Variants in ZSCAN22 observed in about 807,000 individuals in gnomAD.
The protein encoded by ZSCAN22 is zinc finger and SCAN domain-containing protein 22.
In ZSCAN22, 7 loss-of-function variants were observed where a neutral mutation model predicts 12.4. That is an observed-to-expected ratio of 0.57 (90% CI 0.32 to 1.06). The LOEUF (loss-of-function observed/expected upper bound fraction) is 1.06. ZSCAN22 is among the 50% of genes least tolerant of loss of function. The pLI is 0.04. For missense variants in ZSCAN22, 576 were observed against 631.7 expected, an observed-to-expected ratio of 0.91 and a Z score of 0.94; for synonymous variants, 243 against 255.9, an observed-to-expected ratio of 0.95 and a Z score of 0.48.
At chr19:58,337,376 G>A (rs568317011) in intron 2 of ZSCAN22, among the ~76,000 whole-genome samples, 27 of 151,716 alleles carry the variant, frequency 1.8e-4, no homozygotes, top group Non-Finnish European at 2.1e-4. Flanking sequence ...GACGCAAGGC[G>A]TTGAGTGTGA....
intron 1 of ZSCAN22, among the ~76,000 whole-genome samples, chr19:58,330,162 T>C (rs999123650): frequency 1.3e-5 from 2 of 151,634 alleles, no homozygotes. Flanking sequence ...TGGTGGTGGG[T>C]GCCTGTAGTC....
At chr19:58,336,779 C>T (rs553437630) in intron 2 of ZSCAN22, among the ~76,000 whole-genome samples, 1 of 152,324 alleles carries the variant, frequency 6.6e-6, no homozygotes, top group East Asian at 1.9e-4. Flanking sequence ...GCTTGGGGCC[C>T]AGCACGACAA....
chr19:58,339,270 A>T lies in ZSCAN22; in HGVS notation c.1420A>T (p.Ser474Cys). 1 of 1,614,196 alleles carries T rather than the reference A, an allele frequency of 6.2e-7. No individual in the cohort carries two copies. The highest frequency in any genetic ancestry group is 8.5e-7 in the Non-Finnish European group (1 of 1,180,004). Residue 474 changes from serine to cysteine, a missense_variant, in exon 3 of 3, where the codon AGT (serine) becomes TGT (cysteine). Ser to Cys is a moderately radical substitution (Grantham distance 112). Transcript: ENST00000329665. This position sits in a 1 kb window ranked among gnomAD's most constrained non-coding sequence, Gnocchi z 5.6. ...GTGCAGCGACTGTGGGAAGGCCTTC[A>T]GTCGTAGCTCAGCCCTGATGGTTCA... ...YKCSDCGKAF[S>C]RSSALMVHLR...
At position 58,339,560 on chromosome 19, in the gene ZSCAN22, G is replaced by C; in HGVS notation, c.*234G>C. On this transcript the variant is annotated 3_prime_UTR_variant, in exon 3 of 3. Coordinates refer to ENST00000329665, the MANE Select transcript of ZSCAN22 (RefSeq NM_181846.3). This position sits in a 1 kb window ranked among gnomAD's most constrained non-coding sequence, Gnocchi z 5.6. ...GAAGCTTCCAGAAGGGCCCTGCACT[G>C]CTACCCTCTATTTCCCACTCAGGGC... 2.0e-6 allele frequency: 1 copy of C among 504,704 alleles called. No individual in the cohort carries two copies. The allele number at this position is 504,704 out of a possible 1,614,324, so 31.3% of individuals were successfully genotyped here.
At chr19:58,330,358 G>A (rs920427363) in intron 1 of ZSCAN22, among the ~76,000 whole-genome samples, 2 of 152,208 alleles carry the variant, frequency 1.3e-5, no homozygotes, top group African/African-American at 4.8e-5. Context: ...CCCCCATCTA[G>A]AAATGGGGCT....
In ZSCAN22 at chr19:58,335,039, G is replaced by T. The variant is rs371298507; in HGVS notation, c.237G>T (p.Gln79His). The change falls in exon 2 of 3, where the codon CAG becomes CAT. Residue 79 changes from glutamine (Q) to histidine (H), a missense_variant. Physicochemically the swap from Gln to His is conservative, Grantham distance 24. Coordinates refer to ENST00000329665, the MANE Select transcript of ZSCAN22 (RefSeq NM_181846.3). This position sits in a 1 kb window ranked among gnomAD's most constrained non-coding sequence, Gnocchi z 4.1. ...HLRALCCQWL[Q>H]PEAHSKEQIL... ...GAGCGCTGTGCTGTCAGTGGCTGCA[G>T]CCCGAGGCGCACTCCAAGGAGCAGA... 3.7e-6 allele frequency: 6 copies of T among 1,614,068 alleles called. No individual in the cohort carries two copies. The Admixed American group carries it at 6.7e-5, about 18-fold the overall frequency.
Position 58,335,468 on chromosome 19 carries a change from T to C in ZSCAN22, c.403+263T>C, listed in dbSNP as rs2051785924. Among the ~76,000 whole-genome samples the C allele has an allele frequency of 6.6e-6, 1 of 152,212 alleles. No homozygotes were observed. Among genetic ancestry groups the C allele is most frequent in the African/African-American group, 2.4e-5 (1 of 41,454 alleles). On this transcript the variant is annotated intron_variant, in intron 2 of 2. Transcript: ENST00000329665. The surrounding 1 kb of genome is among the most constrained non-coding windows in gnomAD (Gnocchi z 4.1). Reference sequence around the variant, plus strand: ...AGATCTGTTGACAGCATCAGAACTCTCTTCTTCCTCTCTTGTTCTGTTTCT... The same window carrying C: ...AGATCTGTTGACAGCATCAGAACTCCCTTCTTCCTCTCTTGTTCTGTTTCT...
Position 58,338,485 on chromosome 19 carries a change from A to T in ZSCAN22, c.635A>T (p.Lys212Met), listed in dbSNP as rs760076612. The T allele has an allele frequency of 6.2e-7, 1 of 1,614,182 alleles. No individual in the cohort carries two copies. The highest frequency in any genetic ancestry group is 1.3e-5 in the African/African-American group (1 of 75,048). The change falls in exon 3 of 3, where the codon AAG (lysine) becomes ATG (methionine). Residue 212 changes from lysine (K) to methionine (M), a missense_variant. Lys to Met is a moderately conservative substitution (Grantham distance 95). Transcript: ENST00000329665. The surrounding 1 kb of genome is among the most constrained non-coding windows in gnomAD (Gnocchi z 5.4). ...TTCAAGAAAACTTCAGGGCCTTACA[A>T]GGATGTCCCCACAGACCAGCGTGGC... is the stretch of plus-strand genomic sequence containing the variant. ...IHFKKTSGPY[K>M]DVPTDQRGRE...
Position 58,338,333 on chromosome 19 carries a change from T to G in ZSCAN22, c.483T>G (p.Thr161=), listed in dbSNP as rs765107426. 7.4e-6 allele frequency: 12 copies of G among 1,613,934 alleles called. No homozygotes were observed. Among genetic ancestry groups the G allele is most frequent in the Non-Finnish European group, 1.0e-5 (12 of 1,179,962 alleles). ...GAGAGTCAGAGCCATCAAATGTCAC[T>G]GAGACCCTCATGGGAGGTGTTTCCC... ...DLGESEPSNV[T]ETLMGGVSLG... Residue 161 remains threonine, a synonymous_variant, in exon 3 of 3, where the codon ACT becomes ACG. Transcript: ENST00000329665. The surrounding 1 kb of genome is among the most constrained non-coding windows in gnomAD (Gnocchi z 5.4).
chr19:58,338,895 G>A lies in ZSCAN22; in HGVS notation c.1045G>A (p.Glu349Lys). ...TCAGCACCAAAGGATTCATACTGGA[G>A]AGAAACCCTACAAATGTGGGGAATG... ...LTQHQRIHTG[E>K]KPYKCGECGK... Residue 349 changes from glutamate (E) to lysine (K), a missense_variant, in exon 3 of 3, where the codon GAG becomes AAG. Physicochemically the swap from Glu to Lys is moderately conservative, Grantham distance 56 (BLOSUM62 1). Coordinates refer to ENST00000329665, the MANE Select transcript of ZSCAN22 (RefSeq NM_181846.3). This position sits in a 1 kb window ranked among gnomAD's most constrained non-coding sequence, Gnocchi z 5.4. The A allele has an allele frequency of 1.2e-6, 2 of 1,614,074 alleles. No individual in the cohort carries two copies. Among genetic ancestry groups the A allele is most frequent in the Non-Finnish European group, 1.7e-6 (2 of 1,180,002 alleles).
At position 58,339,671 on chromosome 19, in the gene ZSCAN22, A is replaced by G; in HGVS notation, c.*345A>G. 1 of 240,654 alleles carries G rather than the reference A, an allele frequency of 4.2e-6. No homozygotes were observed. The highest frequency in any genetic ancestry group is 8.1e-6 in the Non-Finnish European group (1 of 123,834). The allele number at this position is 240,654 out of a possible 1,614,324, so 14.9% of individuals were successfully genotyped here. On this transcript the variant is annotated 3_prime_UTR_variant, in exon 3 of 3. Coordinates refer to ENST00000329665, the MANE Select transcript of ZSCAN22 (RefSeq NM_181846.3). This position sits in a 1 kb window ranked among gnomAD's most constrained non-coding sequence, Gnocchi z 5.6. ...TGAAGGCGCATGTCTCTCAGAACTC[A>G]GCGTCCCAAGACGCTCTGGGCGGGC...
chr19:58,330,035 T>TC (rs779483853), intron 1 of ZSCAN22, among the ~76,000 whole-genome samples: 2 of 152,180 alleles, frequency 1.3e-5, no homozygotes, highest in Non-Finnish European at 2.9e-5. Flanking sequence ...ATGCCTGTAA[T>TC]CCCAGCAATT....
Position 58,335,337 on chromosome 19 carries a change from C to A in ZSCAN22, c.403+132C>A. 1 of 1,236,794 alleles carries A rather than the reference C, an allele frequency of 8.1e-7. No individual in the cohort carries two copies. Among genetic ancestry groups the A allele is most frequent in the South Asian group, 1.6e-5 (1 of 62,622 alleles). The allele number at this position is 1,236,794 out of a possible 1,614,324, so 76.6% of individuals were successfully genotyped here. On this transcript the variant is annotated intron_variant, in intron 2 of 2. Transcript: ENST00000329665. The surrounding 1 kb of genome is among the most constrained non-coding windows in gnomAD (Gnocchi z 4.1). The stretch of plus-strand genomic sequence containing the variant: ...CATTTGTACTTTACCGTAACTCTCA[C>A]ACACTGTTGTAGACAGGTGTGTTTT...
intron 1 of ZSCAN22, among the ~76,000 whole-genome samples, chr19:58,334,169 T>C (rs2051760949): frequency 6.6e-6 from 1 of 152,210 alleles, no homozygotes; most frequent in Non-Finnish European, 1.5e-5. Flanking sequence ...AGGCTGGCTG[T>C]AGGTTTGCGT....
At chr19:58,334,554 A>G in intron 1 of ZSCAN22, 198 bp from the exon 2 acceptor site, 1 of 410,998 alleles carries the variant, frequency 2.4e-6, no homozygotes, top group Admixed American at 4.0e-5. Context: ...GTAAGTTTTA[A>G]ATGAGTCTAC....
intron 1 of ZSCAN22, among the ~76,000 whole-genome samples, chr19:58,333,227 G>A (rs926652776): frequency 7.2e-5 from 11 of 152,170 alleles, no homozygotes; most frequent in Admixed American, 5.9e-4. Context: ...TCTGTGGGCT[G>A]CTTTTTTACT....
chr19:58,338,163 C>T lies in ZSCAN22; in HGVS notation c.404-91C>T. On this transcript the variant is annotated intron_variant, in intron 2 of 2. Transcript: ENST00000329665. The surrounding 1 kb of genome is among the most constrained non-coding windows in gnomAD (Gnocchi z 5.4). ...GCCAGATGTTAGGAACGGGCCACAT[C>T]TCCCCTTACAAAGTGTGACCGGGGC... 1 of 1,210,340 alleles carries T rather than the reference C, an allele frequency of 8.3e-7. No homozygotes were observed. The highest frequency in any genetic ancestry group is 1.2e-6 in the Non-Finnish European group (1 of 862,204). The allele number at this position is 1,210,340 out of a possible 1,614,324, so 75.0% of individuals were successfully genotyped here. A position where few individuals can be genotyped will look rare whatever the true frequency, so the allele number is the denominator to read the frequency against.
chr19:58,338,859 A>T lies in ZSCAN22; in HGVS notation c.1009A>T (p.Thr337Ser), dbSNP rs2051832730. 6.2e-7 allele frequency: 1 copy of T among 1,613,490 alleles called. No homozygotes were observed. The highest frequency in any genetic ancestry group is 8.5e-7 in the Non-Finnish European group (1 of 1,179,780). Residue 337 changes from threonine (T) to serine (S), a missense_variant, in exon 3 of 3, where the codon ACC becomes TCC. Physicochemically the swap from Thr to Ser is moderately conservative, Grantham distance 58 (BLOSUM62 1). Coordinates refer to ENST00000329665, the MANE Select transcript of ZSCAN22 (RefSeq NM_181846.3). This position sits in a 1 kb window ranked among gnomAD's most constrained non-coding sequence, Gnocchi z 5.4. ...KECGKAFSRVTHLTQHQRIHT... is the reference protein window; with the variant it reads ...KECGKAFSRVSHLTQHQRIHT... ...ATGTGGGAAGGCCTTCAGCCGAGTC[A>T]CCCACCTGACTCAGCACCAAAGGAT...
Position 58,338,486 on chromosome 19 carries a change from G to T in ZSCAN22, c.636G>T (p.Lys212Asn), listed in dbSNP as rs2051825071. Residue 212 changes from lysine (K) to asparagine (N), a missense_variant, in exon 3 of 3, where the codon AAG (lysine) becomes AAT (asparagine). Coordinates refer to ENST00000329665, the MANE Select transcript of ZSCAN22 (RefSeq NM_181846.3). This position sits in a 1 kb window ranked among gnomAD's most constrained non-coding sequence, Gnocchi z 5.4. ...IHFKKTSGPY[K>N]DVPTDQRGRE... ...TCAAGAAAACTTCAGGGCCTTACAA[G>T]GATGTCCCCACAGACCAGCGTGGCC... 2 of 1,614,206 alleles carry T rather than the reference G, an allele frequency of 1.2e-6. No individual in the cohort carries two copies. The highest frequency in any genetic ancestry group is 1.7e-6 in the Non-Finnish European group (2 of 1,180,038).
Sources: allele counts gnomAD v4.1 joint callset (sites outside exome capture counted in the v4.1 genomes callset), GRCh38; gene constraint gnomAD v4.1.1; non-coding constraint Gnocchi (gnomAD v3.1); transcripts MANE v1.5; gene names NCBI Gene and HGNC (gene_info 2026-07-23, HGNC 2026-07-21).